The following RAD51B variants were observed in gnomAD, a reference collection of about 807,000 sequenced individuals.
RAD51B encodes DNA repair protein RAD51 homolog 2.
In RAD51B, 38 loss-of-function variants were observed where a neutral mutation model predicts 42.2. That is an observed-to-expected ratio of 0.90 (90% CI 0.70 to 1.18). The LOEUF (loss-of-function observed/expected upper bound fraction) is 1.18, where lower values mean the gene tolerates loss of function less well. RAD51B is among the 50% of genes most tolerant of loss of function. The probability of loss-of-function intolerance (pLI) is 0.00; values close to 1 mark genes in which losing one functional copy is unlikely to be tolerated. For synonymous variants in RAD51B, 154 were observed against 145.2 expected, an observed-to-expected ratio of 1.06 and a Z score of -0.43; for missense variants, 373 against 400.7, an observed-to-expected ratio of 0.93 and a Z score of 0.59.
chr14:67,904,828 A>T (rs752904183), intron 7 of RAD51B, among the ~76,000 whole-genome samples: 24 of 151,806 alleles, frequency 1.6e-4, no homozygotes, highest in Non-Finnish European at 1.9e-4. Flanking sequence ...CTCTGTTAAG[A>T]TACATAGTTT....
intron 11 of RAD51B, among the ~76,000 whole-genome samples, chr14:68,681,077 G>C (rs750359594): frequency 2.0e-5 from 3 of 151,976 alleles, no homozygotes; most frequent in Non-Finnish European, 2.9e-5. Flanking sequence ...CAGGATGCAG[G>C]GTTTTTATTT....
intron 7 of RAD51B, among the ~76,000 whole-genome samples, chr14:68,004,597 T>C (rs2075549453): frequency 6.6e-6 from 1 of 152,144 alleles, no homozygotes; most frequent in South Asian, 2.1e-4. Context: ...AAATAATTTA[T>C]AAATTGAAAT....
At chr14:68,131,610 C>T (rs1273342525) in intron 7 of RAD51B, among the ~76,000 whole-genome samples, 5 of 152,138 alleles carry the variant, frequency 3.3e-5, no homozygotes, top group African/African-American at 4.8e-5. Flanking sequence ...GCAGGAAAAT[C>T]GCTTGAACCC....
At chr14:67,995,859 C>T (rs141497349) in intron 7 of RAD51B, among the ~76,000 whole-genome samples, 3,582 of 152,026 alleles carry the variant, frequency 0.024, 82 homozygotes, top group African/African-American at 0.055. Flanking sequence ...CCTCGTGATC[C>T]GCCCGCCTTG....
chr14:68,477,526 A>C, intron 10 of RAD51B, 122 bp from the exon 11 acceptor site: 1 of 1,185,942 alleles, frequency 8.4e-7, no homozygotes, highest in Non-Finnish European at 1.2e-6. Flanking sequence ...CTCTGTGGGC[A>C]ATACGTATGA....
At chr14:68,139,978 T>C (rs145633475) in intron 7 of RAD51B, among the ~76,000 whole-genome samples, 4 of 152,332 alleles carry the variant, frequency 2.6e-5, no homozygotes, top group South Asian at 4.1e-4. Flanking sequence ...TCCTCACTGC[T>C]TCTGCTTCCT....
chr14:67,939,087 G>A (rs181909000), intron 7 of RAD51B, among the ~76,000 whole-genome samples: 57 of 152,214 alleles, frequency 3.7e-4, no homozygotes, highest in Admixed American at 6.5e-4. Context: ...GCTAGGTACC[G>A]GGAAATTAGA....
chr14:68,438,208 T>C (rs2085193666), intron 9 of RAD51B, among the ~76,000 whole-genome samples: 1 of 152,026 alleles, frequency 6.6e-6, no homozygotes, highest in African/African-American at 2.4e-5. Flanking sequence ...TTTGGAGGGA[T>C]TTGAAATAAG....
At chr14:68,293,290 C>A (rs1231129054) in intron 8 of RAD51B, among the ~76,000 whole-genome samples, 1 of 152,032 alleles carries the variant, frequency 6.6e-6, no homozygotes, top group Non-Finnish European at 1.5e-5. Flanking sequence ...GAGCTAAAAT[C>A]AGTAAGCTGA....
chr14:68,425,975 T>TCTTTCTTC lies in RAD51B; in HGVS notation c.957+14451_957+14452insTCTTCCTT, dbSNP rs1555407995. Among the ~76,000 whole-genome samples, 175 of 86,042 alleles carry TCTTTCTTC rather than the reference T, an allele frequency of 2.0e-3. 1 individual carries two copies. The highest frequency in any genetic ancestry group is 6.0e-3 in the Middle Eastern group (1 of 168). The allele number at this position is 86,042 out of a possible 152,430, so 56.4% of individuals were successfully genotyped here. A position where few individuals can be genotyped will look rare whatever the true frequency, so the allele number is the denominator to read the frequency against. On this transcript the variant is annotated intron_variant, in intron 9 of 10. Transcript: ENST00000471583. The stretch of plus-strand genomic sequence containing the variant: ...TTCTTTCTTTCTTTCTTTCTTTCTT[T>TCTTTCTTC]CTTCCTTCCTTCCTTCCTTCCTTCC...
chr14:67,920,312 G>A (rs566246696), intron 7 of RAD51B, among the ~76,000 whole-genome samples: 6 of 151,726 alleles, frequency 4.0e-5, no homozygotes, highest in Middle Eastern at 3.4e-3. Context: ...CAACTCTAAC[G>A]TTATTTTGTT....
At chr14:68,095,308 G>A (rs1487674568) in intron 7 of RAD51B, among the ~76,000 whole-genome samples, 1 of 151,632 alleles carries the variant, frequency 6.6e-6, no homozygotes, top group Non-Finnish European at 1.5e-5. Flanking sequence ...AAAAAAAAAA[G>A]TCTTAGTTGA....
chr14:67,990,590 C>T (rs913420198), intron 7 of RAD51B, among the ~76,000 whole-genome samples: 2 of 152,090 alleles, frequency 1.3e-5, no homozygotes, highest in Non-Finnish European at 2.9e-5. Flanking sequence ...ACTCGAGAGG[C>T]AGAGTATGTT....
At chr14:68,185,516 C>T (rs544455939) in intron 7 of RAD51B, among the ~76,000 whole-genome samples, 27 of 152,236 alleles carry the variant, frequency 1.8e-4, no homozygotes, top group East Asian at 1.9e-4. Context: ...TTAAAGGCTA[C>T]AGGAAAAACA....
rs150727284 is a variant in RAD51B, at chr14:68,225,263, T to A, written c.757-66621T>A. Among the ~76,000 whole-genome samples the A allele has an allele frequency of 4.4e-3, 663 of 152,346 alleles. 6 individuals carry two copies. The highest frequency in any genetic ancestry group is 5.2e-3 in the Non-Finnish European group (357 of 68,028). ...ACATTGTTATACCAACCTATTTATA[T>A]TTGATCCACATTTTAAGATTCCTGT... On this transcript the variant is annotated intron_variant, in intron 7 of 10. Coordinates refer to ENST00000471583, the MANE Select transcript of RAD51B (RefSeq NM_133510.4).
chr14:67,891,251 A>C (rs2043210085), intron 7 of RAD51B, among the ~76,000 whole-genome samples: 1 of 152,138 alleles, frequency 6.6e-6, no homozygotes, highest in Non-Finnish European at 1.5e-5. Flanking sequence ...ATATTATTAA[A>C]TATTCTAAGA....
chr14:68,235,096 CACT>C (rs1292887912), intron 7 of RAD51B, among the ~76,000 whole-genome samples: 1 of 151,760 alleles, frequency 6.6e-6, no homozygotes, highest in Non-Finnish European at 1.5e-5. Flanking sequence ...AAAAACAAAC[CACT>C]AACATAGTCA....
intron 7 of RAD51B, among the ~76,000 whole-genome samples, chr14:68,154,329 C>T (rs1027399943): frequency 3.9e-5 from 6 of 152,148 alleles, no homozygotes; most frequent in Non-Finnish European, 1.5e-5. Context: ...AAGGCAAGAC[C>T]CGTCTGAGTA....
chr14:68,648,111 ACG>A (rs1566963569), intron 10 of RAD51B, among the ~76,000 whole-genome samples: 2 of 14,058 alleles, frequency 1.4e-4, no homozygotes, highest in Non-Finnish European at 1.6e-4. Context: ...ATATACACAC[ACG>A]TATATATATA....
Sources: gnomAD v4.1 joint callset for allele counts (sites outside exome capture counted in the v4.1 genomes callset) on GRCh38, gnomAD v4.1.1 for gene constraint, MANE v1.5 for transcripts, NCBI Gene and HGNC (gene_info 2026-07-23, HGNC 2026-07-21) for gene names.